Variants in BMP5 observed in about 807,000 individuals in gnomAD.
BMP5 encodes the protein bone morphogenetic protein 5.
A neutral mutation model predicts 46.6 loss-of-function variants in BMP5; 23 were observed. The ratio of observed to expected loss-of-function variants is 0.49; its 90% CI spans 0.35 to 0.70. The LOEUF is 0.70. Ranked by LOEUF, BMP5 falls within the 30% of genes least tolerant of loss-of-function variation. The probability of loss-of-function intolerance (pLI) is 0.00; values close to 1 mark genes in which losing one functional copy is unlikely to be tolerated. For synonymous variants in BMP5, 204 were observed against 191.9 expected (o/e 1.06, Z -0.52); for missense variants, 545 against 565.6 (o/e 0.96, Z 0.37).
At chr6:55,843,564 A>G (rs1216648881) in intron 1 of BMP5, among the ~76,000 whole-genome samples, 1 of 152,010 alleles carries the variant, frequency 6.6e-6, no homozygotes, top group Non-Finnish European at 1.5e-5. Context: ...AAAGAACTAA[A>G]CGGTTTTTCT....
At chr6:55,770,573 C>T (rs1775024731) in intron 4 of BMP5, among the ~76,000 whole-genome samples, 1 of 151,872 alleles carries the variant, frequency 6.6e-6, no homozygotes, top group Non-Finnish European at 1.5e-5. Flanking sequence ...TGAAGTCATA[C>T]TTATAATTTT....
At chr6:55,794,070 C>A (rs1775644313) in intron 3 of BMP5, among the ~76,000 whole-genome samples, 1 of 152,130 alleles carries the variant, frequency 6.6e-6, no homozygotes, top group Non-Finnish European at 1.5e-5. Flanking sequence ...GTCTTCTTTA[C>A]CTCCCACCCC....
chr6:55,766,929 G>A (rs1490652015), intron 4 of BMP5, among the ~76,000 whole-genome samples: 1 of 151,956 alleles, frequency 6.6e-6, no homozygotes, highest in Non-Finnish European at 1.5e-5. Context: ...AGTCCCTCAT[G>A]TAGTATTTTG....
At chr6:55,822,904 C>T (rs1367980342) in intron 1 of BMP5, among the ~76,000 whole-genome samples, 1 of 152,000 alleles carries the variant, frequency 6.6e-6, no homozygotes, top group Non-Finnish European at 1.5e-5. Context: ...GCAGACTTGT[C>T]TGGTGATTCA....
intron 1 of BMP5, among the ~76,000 whole-genome samples, chr6:55,849,281 A>G (rs373797451): frequency 2.4e-3 from 358 of 152,192 alleles, no homozygotes; most frequent in African/African-American, 8.2e-3. Flanking sequence ...TGTTGAATAT[A>G]TAAATAATAT....
In BMP5 at chr6:55,759,042, TG is replaced by T. The variant is rs1562023272; in HGVS notation, c.1177del (p.His393IlefsTer2). 2 of 1,609,788 alleles carry T rather than the reference TG, an allele frequency of 1.2e-6. No individual in the cohort carries two copies. The highest frequency in any genetic ancestry group is 3.4e-5 in the Admixed American group (2 of 59,314). ...TATAGCGTGGTTGGTGGCATTCATA[TG>T]GGCGTTAAGTGGAAAAGAACATTCT... ...DGECSFPLNAHMNATNHAIVQ... is the reference protein window; with the variant it reads ...DGECSFPLNAXMNATNHAIVQ... On this transcript the variant is annotated frameshift_variant, in exon 6 of 7. Transcript: ENST00000370830. LOFTEE classifies it high-confidence loss of function.
chr6:55,852,345 T>C (rs1307619062), intron 1 of BMP5, among the ~76,000 whole-genome samples: 1 of 152,126 alleles, frequency 6.6e-6, no homozygotes, highest in Admixed American at 6.5e-5. Flanking sequence ...ATAGTAAATC[T>C]ATATGCAAAT....
chr6:55,768,503 G>T (rs193149859), intron 4 of BMP5, among the ~76,000 whole-genome samples: 1 of 151,882 alleles, frequency 6.6e-6, no homozygotes, highest in African/African-American at 2.4e-5. Context: ...AATGTTATGG[G>T]CATGTGTAAG....
intron 3 of BMP5, among the ~76,000 whole-genome samples, chr6:55,786,156 TG>T (rs1775443787): frequency 2.0e-5 from 3 of 151,766 alleles, no homozygotes; most frequent in South Asian, 4.1e-4. Context: ...TATCTTAAGT[TG>T]GGGTTTGAAT....
intron 5 of BMP5, among the ~76,000 whole-genome samples, chr6:55,759,928 TA>T (rs1227291826): frequency 6.6e-6 from 1 of 152,004 alleles, no homozygotes; most frequent in Admixed American, 6.6e-5. Context: ...GGAGAAGTCT[TA>T]AAATTTCATT....
chr6:55,820,896 T>C (rs1369008538), intron 1 of BMP5, among the ~76,000 whole-genome samples: 1 of 152,166 alleles, frequency 6.6e-6, no homozygotes, highest in Non-Finnish European at 1.5e-5. Flanking sequence ...GAACTGTTCC[T>C]TTTGGGAATA....
chr6:55,800,242 A>G (rs1775812085), intron 2 of BMP5, among the ~76,000 whole-genome samples: 4 of 152,252 alleles, frequency 2.6e-5, no homozygotes, highest in Non-Finnish European at 2.9e-5. Context: ...TCAAAGATGC[A>G]TGAGACAAGT....
At chr6:55,833,501 A>G (rs1339794546) in intron 1 of BMP5, among the ~76,000 whole-genome samples, 1 of 152,182 alleles carries the variant, frequency 6.6e-6, no homozygotes, top group East Asian at 1.9e-4. Flanking sequence ...TCGGCTTTTG[A>G]AGGAAACCAG....
intron 1 of BMP5, among the ~76,000 whole-genome samples, chr6:55,825,498 G>A (rs1776508047): frequency 6.6e-6 from 1 of 151,792 alleles, no homozygotes; most frequent in Non-Finnish European, 1.5e-5. Flanking sequence ...TGTCCTAAGT[G>A]CTCTGAATTG....
chr6:55,780,414 A>C (rs1031561943), intron 3 of BMP5, among the ~76,000 whole-genome samples: 6 of 147,278 alleles, frequency 4.1e-5, no homozygotes, highest in Non-Finnish European at 7.5e-5. Flanking sequence ...AGGTCAGAAG[A>C]TCGAGACCAT....
chr6:55,864,908 A>G (rs1562077999), intron 1 of BMP5, among the ~76,000 whole-genome samples: 1 of 151,624 alleles, frequency 6.6e-6, no homozygotes, highest in Non-Finnish European at 1.5e-5. Flanking sequence ...CCGCATCTGA[A>G]AAAAAAAACC....
chr6:55,787,908 T>G (rs912007583), intron 3 of BMP5, among the ~76,000 whole-genome samples: 30 of 151,654 alleles, frequency 2.0e-4, no homozygotes, highest in Admixed American at 2.0e-3. Flanking sequence ...CAGCATTTTT[T>G]GGGAAATACC....
intron 1 of BMP5, among the ~76,000 whole-genome samples, chr6:55,842,067 A>C (rs1199675762): frequency 6.6e-6 from 1 of 152,154 alleles, no homozygotes; most frequent in Non-Finnish European, 1.5e-5. Context: ...CACTTTTTTA[A>C]AAAATTTAGT....
chr6:55,872,101 T>C (rs1777801618), intron 1 of BMP5, among the ~76,000 whole-genome samples: 3 of 151,820 alleles, frequency 2.0e-5, no homozygotes, highest in Admixed American at 6.6e-5. Flanking sequence ...TATTTGATTA[T>C]AAAAGAAATG....
Sources: gnomAD v4.1 joint callset for allele counts (sites outside exome capture counted in the v4.1 genomes callset) on GRCh38, gnomAD v4.1.1 for gene constraint, MANE v1.5 for transcripts, NCBI Gene and HGNC (gene_info 2026-07-23, HGNC 2026-07-21) for gene names.